The following ROBO1 variants were observed in gnomAD, a reference collection of about 807,000 sequenced individuals.
ROBO1 encodes the protein roundabout guidance receptor 1.
Under a neutral mutation model 195.9 loss-of-function variants are expected in ROBO1, and 149 were observed. That is an observed-to-expected ratio of 0.76 (90% CI 0.67 to 0.87). ROBO1 has a LOEUF of 0.87. ROBO1 is among the 40% of genes least tolerant of loss of function. The pLI, the probability that ROBO1 is intolerant of heterozygous loss-of-function variation, is 0.00. For synonymous variants in ROBO1, 816 were observed against 733.2 expected (o/e 1.11, Z -1.82); for missense variants, 1,933 against 2,068.3 (o/e 0.93, Z 1.27).
intron 2 of ROBO1, among the ~76,000 whole-genome samples, chr3:79,146,973 A>G (rs866252220): frequency 6.6e-6 from 1 of 151,964 alleles, no homozygotes; most frequent in African/African-American, 2.4e-5. Flanking sequence ...AAAGGTAGGA[A>G]GAAATACTGA....
At chr3:79,164,340 T>C (rs2081025436) in intron 2 of ROBO1, among the ~76,000 whole-genome samples, 1 of 152,146 alleles carries the variant, frequency 6.6e-6, no homozygotes, top group Non-Finnish European at 1.5e-5. Flanking sequence ...GAGAAGGAAA[T>C]CTATCAGAAG....
chr3:79,189,833 T>C (rs1273097076), intron 2 of ROBO1, among the ~76,000 whole-genome samples: 1 of 151,708 alleles, frequency 6.6e-6, no homozygotes, highest in Non-Finnish European at 1.5e-5. Flanking sequence ...AATAGAGCAA[T>C]TTTTATTTCA....
intron 4 of ROBO1, among the ~76,000 whole-genome samples, chr3:78,836,371 G>T (rs941524037): frequency 1.4e-4 from 22 of 151,888 alleles, no homozygotes; most frequent in African/African-American, 5.3e-4. Flanking sequence ...CATTAGCGGG[G>T]TGTGGTGGCG....
chr3:79,493,495 T>C (rs1939573937), intron 2 of ROBO1, among the ~76,000 whole-genome samples: 1 of 152,098 alleles, frequency 6.6e-6, no homozygotes. Flanking sequence ...TAAAAGTATG[T>C]AATTTTTAAA....
At chr3:79,640,495 C>T (rs1945626838) in intron 1 of ROBO1, among the ~76,000 whole-genome samples, 1 of 152,008 alleles carries the variant, frequency 6.6e-6, no homozygotes, top group Non-Finnish European at 1.5e-5. Flanking sequence ...ATACACTGCC[C>T]ATGAATTTTT....
At chr3:79,010,762 C>G (rs1220063532) in intron 3 of ROBO1, among the ~76,000 whole-genome samples, 1 of 152,052 alleles carries the variant, frequency 6.6e-6, no homozygotes, top group Non-Finnish European at 1.5e-5. Flanking sequence ...TAAATCAAAG[C>G]TGTTCTTAGG....
At chr3:79,090,770 T>C (rs2079465625) in intron 3 of ROBO1, among the ~76,000 whole-genome samples, 1 of 152,174 alleles carries the variant, frequency 6.6e-6, no homozygotes. Context: ...TGGCACATTG[T>C]AAGCACTCAG....
chr3:79,429,717 T>C (rs1245422455), intron 2 of ROBO1, among the ~76,000 whole-genome samples: 1 of 152,158 alleles, frequency 6.6e-6, no homozygotes, highest in Non-Finnish European at 1.5e-5. Context: ...TCAATTTTTA[T>C]GTCTGACACG....
intron 2 of ROBO1, among the ~76,000 whole-genome samples, chr3:79,362,470 T>C (rs1368600003): frequency 6.6e-6 from 1 of 152,168 alleles, no homozygotes; most frequent in Non-Finnish European, 1.5e-5. Context: ...AAAGGACCTA[T>C]AATTTCTCCC....
At chr3:78,754,289 T>C (rs560714965) in intron 4 of ROBO1, among the ~76,000 whole-genome samples, 8 of 152,136 alleles carry the variant, frequency 5.3e-5, no homozygotes, top group Non-Finnish European at 1.0e-4. Context: ...ATGCCATTGA[T>C]GAGGGTTTTA....
rs554453683 is a variant in ROBO1, at chr3:79,527,993, G to T, written c.88+61831C>A. The T allele has an allele frequency of 7.1e-4, 11 of 15,472 alleles. No homozygotes were observed. In the South Asian group the frequency reaches 8.5e-3, roughly 12 times the overall value. The allele number at this position is 15,472 out of a possible 1,614,324, so 1.0% of individuals were successfully genotyped here. On this transcript the variant is annotated intron_variant, in intron 2 of 30. Transcript: ENST00000464233. ...TGACTCTCAGTAACCAAATTGAGAAGTTATTTTACTGCCATTTTCTGAATG... is the reference window on the plus strand; with the variant it reads ...TGACTCTCAGTAACCAAATTGAGAATTTATTTTACTGCCATTTTCTGAATG...
intron 2 of ROBO1, among the ~76,000 whole-genome samples, chr3:79,316,794 T>C (rs1055412168): frequency 1.3e-5 from 2 of 152,122 alleles, no homozygotes; most frequent in African/African-American, 4.8e-5. Flanking sequence ...CTTTGCAAGA[T>C]TATGCCACTC....
rs34514488 is a variant in ROBO1 at position 79,445,481 on chromosome 3, GTTT to G, written c.88+144340_88+144342del. Among the ~76,000 whole-genome samples the G allele has an allele frequency of 7.5e-3, 644 of 85,700 alleles. 3 individuals are homozygous for G. Among genetic ancestry groups the G allele is most frequent in the African/African-American group, 0.012 (236 of 20,252 alleles). 56.2% of individuals were successfully genotyped at this position (85,700 alleles called of 152,430 possible). On this transcript the variant is annotated intron_variant, in intron 2 of 30. Transcript: ENST00000464233. ...TTTTTTGGTAAACAATACAGAAATT[GTTT>G]TTTTTTTTTTTTTTTTTGGCGTTTT... is the stretch of plus-strand genomic sequence containing the variant.
chr3:78,677,544 C>T (rs1186448438), intron 10 of ROBO1, among the ~76,000 whole-genome samples: 1 of 151,774 alleles, frequency 6.6e-6, no homozygotes, highest in Non-Finnish European at 1.5e-5. Context: ...ATAAAACAGA[C>T]TTTAAACCAA....
At chr3:78,830,466 T>A (rs529779117) in intron 4 of ROBO1, among the ~76,000 whole-genome samples, 1 of 152,186 alleles carries the variant, frequency 6.6e-6, no homozygotes, top group South Asian at 2.1e-4. Context: ...TGACTCAGAG[T>A]TCAGCATGGC....
At chr3:79,511,858 G>A (rs1056839019) in intron 2 of ROBO1, among the ~76,000 whole-genome samples, 2 of 152,076 alleles carry the variant, frequency 1.3e-5, no homozygotes, top group Non-Finnish European at 2.9e-5. Context: ...CTTAGAAATG[G>A]GAGCTAAGTG....
chr3:79,198,181 A>T (rs1576803259), intron 2 of ROBO1, among the ~76,000 whole-genome samples: 2 of 151,920 alleles, frequency 1.3e-5, no homozygotes, highest in Non-Finnish European at 2.9e-5. Context: ...GTCTTACATT[A>T]AAGTCTTTAA....
At chr3:79,473,973 A>T (rs1294979026) in intron 2 of ROBO1, among the ~76,000 whole-genome samples, 2 of 152,168 alleles carry the variant, frequency 1.3e-5, no homozygotes, top group Non-Finnish European at 2.9e-5. Flanking sequence ...TGAGTAAAGC[A>T]AAGCTCATAT....
At chr3:79,471,598 TA>T (rs1325996629) in intron 2 of ROBO1, among the ~76,000 whole-genome samples, 3 of 152,290 alleles carry the variant, frequency 2.0e-5, no homozygotes, top group East Asian at 3.9e-4. Flanking sequence ...TTTACTCCTA[TA>T]AAAAATTATT....
Sources: gnomAD v4.1 joint callset for allele counts (sites outside exome capture counted in the v4.1 genomes callset) on GRCh38, gnomAD v4.1.1 for gene constraint, MANE v1.5 for transcripts, NCBI Gene and HGNC (gene_info 2026-07-23, HGNC 2026-07-21) for gene names.